Variants in MSRA observed in about 807,000 individuals in gnomAD.
MSRA encodes mitochondrial peptide methionine sulfoxide reductase.
MSRA carries 54 observed loss-of-function variants against 31.3 expected under a neutral mutation model. The ratio of observed to expected loss-of-function variants is 1.73; its 90% CI spans 1.39 to 2.17. The LOEUF is 2.17. MSRA is among the 30% of genes most tolerant of loss of function. The probability of loss-of-function intolerance (pLI) is 0.00; values close to 1 mark genes in which losing one functional copy is unlikely to be tolerated. For synonymous variants in MSRA, 169 were observed against 116.5 expected (o/e 1.45, Z -2.90); for missense variants, 507 against 300.9 (o/e 1.69, Z -5.07).
At chr8:10,359,740 ATCTCAGATGGAGGATGG>A (rs1200842087) in intron 5 of MSRA, among the ~76,000 whole-genome samples, 6 of 151,780 alleles carry the variant, frequency 4.0e-5, no homozygotes, top group Non-Finnish European at 8.8e-5. Context: ...ATGGAGGACG[ATCTCAGATGGAGGATGG>A]TCTCAGATGG....
At chr8:10,348,296 A>C (rs1168639950) in intron 5 of MSRA, among the ~76,000 whole-genome samples, 1 of 146,964 alleles carries the variant, frequency 6.8e-6, no homozygotes, top group East Asian at 2.0e-4. Context: ...TTTTTTCTTG[A>C]GGCCTACACC....
chr8:10,317,077 A>C (rs1056532170), intron 4 of MSRA, among the ~76,000 whole-genome samples: 1 of 152,136 alleles, frequency 6.6e-6, no homozygotes, highest in Non-Finnish European at 1.5e-5. Flanking sequence ...AGGTCATGCT[A>C]GTAGGAGTCA....
chr8:10,153,287 A>C (rs1803868144), intron 1 of MSRA, among the ~76,000 whole-genome samples: 1 of 152,048 alleles, frequency 6.6e-6, no homozygotes, highest in Non-Finnish European at 1.5e-5. Flanking sequence ...TGAGGTGGGG[A>C]AATAAGGAAC....
At chr8:10,331,992 G>A (rs1226923734) in intron 5 of MSRA, among the ~76,000 whole-genome samples, 1 of 152,184 alleles carries the variant, frequency 6.6e-6, no homozygotes, top group South Asian at 2.1e-4. Flanking sequence ...GACTGCAGAG[G>A]TAAGGCTGTC....
At chr8:10,113,292 CTTTTTTT>C (rs10665004) in intron 1 of MSRA, among the ~76,000 whole-genome samples, 2 of 57,606 alleles carry the variant, frequency 3.5e-5, no homozygotes, top group South Asian at 1.0e-3. Context: ...GACAGGTCTT[CTTTTTTT>C]TTTTTTTTTT....
intron 2 of MSRA, among the ~76,000 whole-genome samples, chr8:10,219,966 T>C (rs1181969298): frequency 6.6e-6 from 1 of 151,990 alleles, no homozygotes; most frequent in Non-Finnish European, 1.5e-5. Context: ...ATGTTACCAC[T>C]GAAAGCCTAA....
chr8:10,128,919 C>T (rs781671510), intron 1 of MSRA, among the ~76,000 whole-genome samples: 4 of 152,166 alleles, frequency 2.6e-5, no homozygotes, highest in African/African-American at 4.8e-5. Flanking sequence ...TTTAGGAAGA[C>T]ATTCAGTCTC....
Position 10,395,356 on chromosome 8 carries a change from C to T in MSRA, c.544-32792C>T, listed in dbSNP as rs946890479. ...TAAATACGTATGAGTCTGTGAACCG[C>T]CATGTTCACTAAGGGGATTATAGGA... is the stretch of plus-strand genomic sequence containing the variant. On this transcript the variant is annotated intron_variant, in intron 5 of 5. Transcript: ENST00000317173. Among the ~76,000 whole-genome samples the T allele has an allele frequency of 2.6e-5, 4 of 152,064 alleles. 1 individual carries two copies. The highest frequency in any genetic ancestry group is 2.1e-4 in the South Asian group (1 of 4,814).
intron 1 of MSRA, among the ~76,000 whole-genome samples, chr8:10,085,220 G>T (rs2128924666): frequency 6.6e-6 from 1 of 152,174 alleles, no homozygotes; most frequent in Admixed American, 6.5e-5. Context: ...GCCACATCCT[G>T]AGCATTCCTG....
chr8:10,313,830 A>G (rs1801569773), intron 4 of MSRA, among the ~76,000 whole-genome samples: 1 of 152,250 alleles, frequency 6.6e-6, no homozygotes, highest in African/African-American at 2.4e-5. Context: ...TGATGTAGGG[A>G]CAAATGAATA....
intron 1 of MSRA, among the ~76,000 whole-genome samples, chr8:10,161,957 A>T (rs36126674): frequency 6.6e-6 from 1 of 152,006 alleles, no homozygotes; most frequent in Non-Finnish European, 1.5e-5. Flanking sequence ...GTCTGAATAC[A>T]AGAGCGCACT....
chr8:10,091,903 G>A (rs892713327), intron 1 of MSRA, among the ~76,000 whole-genome samples: 4 of 152,064 alleles, frequency 2.6e-5, no homozygotes, highest in African/African-American at 4.8e-5. Context: ...CACTGTGTCC[G>A]GCCGGTAGTT....
intron 5 of MSRA, among the ~76,000 whole-genome samples, chr8:10,369,631 T>C (rs955565705): frequency 9.9e-5 from 15 of 152,210 alleles, no homozygotes; most frequent in Admixed American, 9.8e-4. Context: ...ATATTAAAAT[T>C]TGATTTTAGG....
chr8:10,160,419 C>T (rs543650152), intron 1 of MSRA, among the ~76,000 whole-genome samples: 26 of 151,908 alleles, frequency 1.7e-4, no homozygotes, highest in Non-Finnish European at 2.9e-4. Flanking sequence ...CGTTTGAACC[C>T]AGGAGGCAGA....
intron 3 of MSRA, among the ~76,000 whole-genome samples, chr8:10,259,539 G>A (rs1280121807): frequency 6.6e-6 from 1 of 152,100 alleles, no homozygotes; most frequent in East Asian, 1.9e-4. Context: ...CTGGGGGTGG[G>A]ATTCCTAAGT....
intron 5 of MSRA, among the ~76,000 whole-genome samples, chr8:10,409,342 A>G (rs1191216181): frequency 1.3e-5 from 2 of 152,158 alleles, no homozygotes; most frequent in Non-Finnish European, 2.9e-5. Context: ...ACTTTTTCAT[A>G]TGCTTGTGGG....
At chr8:10,120,294 T>A (rs895723123) in intron 1 of MSRA, among the ~76,000 whole-genome samples, 1 of 152,160 alleles carries the variant, frequency 6.6e-6, no homozygotes, top group South Asian at 2.1e-4. Context: ...CACTTTGTGA[T>A]TGTACCAAAT....
intron 5 of MSRA, among the ~76,000 whole-genome samples, chr8:10,332,091 G>C (rs1213114263): frequency 6.6e-6 from 1 of 152,122 alleles, no homozygotes; most frequent in Admixed American, 6.5e-5. Flanking sequence ...TTTCTGTCAT[G>C]AATTGAGAAA....
At chr8:10,238,948 G>T (rs1164562934) in intron 2 of MSRA, among the ~76,000 whole-genome samples, 1 of 152,102 alleles carries the variant, frequency 6.6e-6, no homozygotes, top group Non-Finnish European at 1.5e-5. Flanking sequence ...ATAGACATAA[G>T]TGAAGGGAAA....
Sources: allele counts gnomAD v4.1 joint callset (sites outside exome capture counted in the v4.1 genomes callset), GRCh38; gene constraint gnomAD v4.1.1; transcripts MANE v1.5; gene names NCBI Gene and HGNC (gene_info 2026-07-23, HGNC 2026-07-21).